The following DOCK8 variants were observed in gnomAD, a reference collection of about 807,000 sequenced individuals.
DOCK8 encodes dedicator of cytokinesis 8, also known as dedicator of cytokinesis protein 8.
DOCK8 carries 141 observed loss-of-function variants against 245.6 expected under a neutral mutation model. That is an observed-to-expected ratio of 0.57 (90% CI 0.50 to 0.66). The LOEUF is 0.66. Among genes scored for constraint, DOCK8 ranks in the 30% least tolerant of loss-of-function variants. DOCK8 has a pLI of 0.00. For missense variants in DOCK8, 2,965 were observed against 2,603.4 expected, an observed-to-expected ratio of 1.14 and a Z score of -3.02; for synonymous variants, 1,168 against 970.2, an observed-to-expected ratio of 1.20 and a Z score of -3.79.
intron 26 of DOCK8, among the ~76,000 whole-genome samples, chr9:401,368 C>A (rs909709161): frequency 2.0e-5 from 3 of 152,070 alleles, no homozygotes; most frequent in Admixed American, 6.5e-5. Flanking sequence ...AGGGGACCAT[C>A]CAGAGGAGCA....
At position 431,634 on chromosome 9, in the gene DOCK8, G is replaced by T. The variant is rs554276954; in HGVS notation, c.4627-532G>T. Among the ~76,000 whole-genome samples, 31 of 152,192 alleles carry T rather than the reference G, an allele frequency of 2.0e-4. No homozygotes were observed. In the Middle Eastern group the frequency reaches 0.01, roughly 50 times the overall value. ...AGCAATTCTCCTGCCTCAGCCTCTC[G>T]AGTAGCTGGAATTACAGGTGTCCAC... is the stretch of plus-strand genomic sequence containing the variant. On this transcript the variant is annotated intron_variant, in intron 36 of 47. Coordinates refer to ENST00000432829, the MANE Select transcript of DOCK8 (RefSeq NM_203447.4).
At chr9:335,496 C>G (rs906000115) in intron 11 of DOCK8, among the ~76,000 whole-genome samples, 1 of 152,164 alleles carries the variant, frequency 6.6e-6, no homozygotes, top group Non-Finnish European at 1.5e-5. Context: ...TTTGGAGTTA[C>G]TGGTACATAA....
chr9:228,289 T>C (rs1200896756), intron 1 of DOCK8, among the ~76,000 whole-genome samples: 1 of 152,150 alleles, frequency 6.6e-6, no homozygotes, highest in African/African-American at 2.4e-5. Context: ...GTAAAGTTAT[T>C]CAAGAGACCC....
At chr9:283,173 A>T (rs917776417) in intron 2 of DOCK8, among the ~76,000 whole-genome samples, 1 of 152,210 alleles carries the variant, frequency 6.6e-6, no homozygotes, top group African/African-American at 2.4e-5. Flanking sequence ...CAGATGGGCC[A>T]GTCCCTAGCT....
intron 46 of DOCK8, among the ~76,000 whole-genome samples, chr9:455,366 C>T (rs982114330): frequency 1.3e-5 from 2 of 151,926 alleles, no homozygotes; most frequent in Non-Finnish European, 2.9e-5. Flanking sequence ...TTTAGCCAAG[C>T]GTGGTAGTGG....
At chr9:245,639 C>T (rs2047489077) in intron 1 of DOCK8, among the ~76,000 whole-genome samples, 2 of 152,130 alleles carry the variant, frequency 1.3e-5, no homozygotes, top group African/African-American at 4.8e-5. Context: ...GAGGCTGACC[C>T]ACACCCTACT....
chr9:291,352 C>T (rs1026143234), intron 4 of DOCK8, among the ~76,000 whole-genome samples: 1 of 152,116 alleles, frequency 6.6e-6, no homozygotes, highest in African/African-American at 2.4e-5. Context: ...TTATGAAACA[C>T]AAATCACTCA....
At chr9:275,217 G>A (rs567489898) in intron 2 of DOCK8, among the ~76,000 whole-genome samples, 1 of 151,640 alleles carries the variant, frequency 6.6e-6, no homozygotes, top group South Asian at 2.1e-4. Flanking sequence ...GCTCTCTTAC[G>A]ATTTGGCACT....
chr9:342,297 C>CTTTTTTT (rs34071975), intron 14 of DOCK8, among the ~76,000 whole-genome samples: 360 of 124,250 alleles, frequency 2.9e-3, no homozygotes, highest in Non-Finnish European at 4.2e-3. Flanking sequence ...TTTCTTTTTT[C>CTTTTTTT]TTTTTTTTTT....
chr9:312,474 C>G (rs1445404308), intron 6 of DOCK8: 1 of 510,472 alleles, frequency 2.0e-6, no homozygotes, highest in East Asian at 5.1e-5. Flanking sequence ...GTAATCACAC[C>G]CAGCAAGTCA....
intron 44 of DOCK8, among the ~76,000 whole-genome samples, chr9:449,189 A>G (rs912681511): frequency 1.3e-5 from 2 of 152,078 alleles, no homozygotes; most frequent in African/African-American, 4.8e-5. Flanking sequence ...CATCTCTACT[A>G]AAAATACAAA....
At chr9:277,442 AGAG>A (rs2048389771) in intron 2 of DOCK8, among the ~76,000 whole-genome samples, 1 of 122,800 alleles carries the variant, frequency 8.1e-6, no homozygotes, top group Admixed American at 9.0e-5. Context: ...AAAAGAGAAG[AGAG>A]GAGAAGAGAA....
intron 4 of DOCK8, among the ~76,000 whole-genome samples, chr9:298,010 C>A (rs1236585351): frequency 1.3e-5 from 2 of 152,176 alleles, no homozygotes; most frequent in African/African-American, 4.8e-5. Flanking sequence ...AAAACTCCCA[C>A]AAACACTCTA....
rs563498378 is a variant in DOCK8 at position 370,245 on chromosome 9, T to C, written c.1813T>C (p.Ser605Pro). 2.2e-5 allele frequency: 35 copies of C among 1,614,056 alleles called. No individual in the cohort carries two copies. The Admixed American group carries it at 3.8e-4, about 18-fold the overall frequency. ...TGGTGAACAGGTCATCTTTGGAAAA[T>C]CCAGCGGGCCTGAATTTCTGCAGGA... Reference protein sequence around the residue: ...SNAMPVIFGKSSGPEFLQEVY... With the variant: ...SNAMPVIFGKPSGPEFLQEVY... Residue 605 changes from serine (S) to proline (P), a missense_variant, in exon 16 of 48, where the codon TCC becomes CCC. This residue lies in a region of DOCK8 where 2,825 missense variants were observed against 2,453.5 expected (regional missense o/e 1.15). Coordinates refer to ENST00000432829, the MANE Select transcript of DOCK8 (RefSeq NM_203447.4).
intron 2 of DOCK8, among the ~76,000 whole-genome samples, chr9:275,542 G>A (rs12343375): frequency 0.1 from 15,517 of 152,116 alleles, 925 homozygotes; most frequent in African/African-American, 0.15. Flanking sequence ...TTAACTTGAA[G>A]CCCAGGTTGA....
chr9:365,889 A>G, intron 14 of DOCK8: 1 of 324,840 alleles, frequency 3.1e-6, no homozygotes. Context: ...ACTGTCTTCC[A>G]TCATCATTTA....
chr9:391,439 A>T (rs1246250392), intron 24 of DOCK8, among the ~76,000 whole-genome samples: 1 of 152,130 alleles, frequency 6.6e-6, no homozygotes, highest in Non-Finnish European at 1.5e-5. Context: ...CCCAATTAAT[A>T]TCTGTTGGAA....
chr9:403,449 A>G (rs868367267), intron 26 of DOCK8, among the ~76,000 whole-genome samples: 1 of 152,162 alleles, frequency 6.6e-6, no homozygotes, highest in African/African-American at 2.4e-5. Context: ...CATAGAAGTC[A>G]TATGTTTTGG....
Position 227,198 on chromosome 9 carries a change from T to C in DOCK8, c.53+12169T>C, listed in dbSNP as rs7019427. 5.7e-3 allele frequency among the ~76,000 whole-genome samples: 870 copies of C among 152,314 alleles called. 7 individuals are homozygous for C. The highest frequency in any genetic ancestry group is 0.027 in the Middle Eastern group (8 of 294). Reference sequence around the variant, plus strand: ...GAAGAAGAAGCAATTATAAAATAAATGGCACAAGATTTCCATCCTGGTCAA... The same window carrying C: ...GAAGAAGAAGCAATTATAAAATAAACGGCACAAGATTTCCATCCTGGTCAA... On this transcript the variant is annotated intron_variant, in intron 1 of 47. Coordinates refer to ENST00000432829, the MANE Select transcript of DOCK8 (RefSeq NM_203447.4).
Sources: allele counts gnomAD v4.1 joint callset (sites outside exome capture counted in the v4.1 genomes callset), GRCh38; gene constraint gnomAD v4.1.1; regional missense constraint gnomAD v4.1.1; transcripts MANE v1.5; gene names NCBI Gene and HGNC (gene_info 2026-07-23, HGNC 2026-07-21).